The following ARPP21 variants were observed in gnomAD, a reference collection of about 807,000 sequenced individuals.
The protein encoded by ARPP21 is cAMP-regulated phosphoprotein 21.
A neutral mutation model predicts 113.2 loss-of-function variants in ARPP21; 69 were observed. That is an observed-to-expected ratio of 0.61 (90% confidence interval 0.50 to 0.74). The LOEUF is 0.74. ARPP21 is among the 30% of genes least tolerant of loss of function. The pLI, the probability that ARPP21 is intolerant of heterozygous loss-of-function variation, is 0.00. For missense variants in ARPP21, 1,070 were observed against 1,037.4 expected (o/e 1.03, Z -0.43); for synonymous variants, 368 against 375.5 (o/e 0.98, Z 0.23).
At chr3:35,663,802 C>T (rs1559538494) in intron 1 of ARPP21, among the ~76,000 whole-genome samples, 1 of 152,234 alleles carries the variant, frequency 6.6e-6, no homozygotes, top group South Asian at 2.1e-4. Flanking sequence ...CCTGCTGGGC[C>T]GTGGGAATTG....
At chr3:35,644,859 C>T (rs905547640) in intron 1 of ARPP21, among the ~76,000 whole-genome samples, 1 of 151,826 alleles carries the variant, frequency 6.6e-6, no homozygotes, top group East Asian at 1.9e-4. Flanking sequence ...TATCTTTACA[C>T]GATTTGCCCA....
At chr3:35,686,059 A>G (rs557184354) in intron 5 of ARPP21, among the ~76,000 whole-genome samples, 8 of 151,740 alleles carry the variant, frequency 5.3e-5, no homozygotes, top group South Asian at 2.1e-4. Flanking sequence ...CCAAGCCTCT[A>G]TGATTTTAGA....
intron 19 of ARPP21, among the ~76,000 whole-genome samples, chr3:35,748,099 AAAGAAAGAAAG>A (rs2095222474): frequency 7.3e-6 from 1 of 137,276 alleles, no homozygotes; most frequent in Non-Finnish European, 1.6e-5. Flanking sequence ...AGAAAGAAAG[AAAGAAAGAAAG>A]AAGAAAGAAA....
At chr3:35,786,582 G>A (rs1241285515) in intron 19 of ARPP21, among the ~76,000 whole-genome samples, 1 of 151,632 alleles carries the variant, frequency 6.6e-6, no homozygotes, top group African/African-American at 2.4e-5. Flanking sequence ...TTGGGAGGTT[G>A]GCATATAGGC....
At chr3:35,780,883 T>G (rs1401511087) in intron 19 of ARPP21, among the ~76,000 whole-genome samples, 1 of 151,892 alleles carries the variant, frequency 6.6e-6, no homozygotes, top group Non-Finnish European at 1.5e-5. Context: ...AAGCAGGCAA[T>G]CAGAGACAGA....
Position 35,681,865 on chromosome 3 carries a change from G to C in ARPP21, c.114G>C (p.Glu38Asp). The change falls in exon 3 of 21, where the codon GAG becomes GAC. Residue 38 changes from glutamate (E) to aspartate (D), a missense_variant. Coordinates refer to ENST00000684406, the MANE Select transcript of ARPP21 (RefSeq NM_001385562.1). ...AATCAGAAAGTCTGGATGAAGAGGA[G>C]AAACTGGAACTGCAGGTGAGTGAGC... ...IVKSESLDEE[E>D]KLELQRRLEA... The C allele has an allele frequency of 1.2e-6, 2 of 1,612,020 alleles. No homozygotes were observed. Among genetic ancestry groups the C allele is most frequent in the Non-Finnish European group, 1.7e-6 (2 of 1,178,684 alleles).
chr3:35,726,711 C>A (rs1217091704), intron 14 of ARPP21, among the ~76,000 whole-genome samples: 5 of 152,164 alleles, frequency 3.3e-5, no homozygotes, highest in Non-Finnish European at 5.9e-5. Context: ...TCTGCATCAA[C>A]CCATCCCTCC....
chr3:35,663,319 C>A (rs1708665782), intron 1 of ARPP21, among the ~76,000 whole-genome samples: 1 of 152,158 alleles, frequency 6.6e-6, no homozygotes, highest in Admixed American at 6.5e-5. Flanking sequence ...TAACATTCTC[C>A]TTGGAAATAA....
intron 14 of ARPP21, among the ~76,000 whole-genome samples, chr3:35,728,228 T>C (rs2093681293): frequency 7.0e-6 from 1 of 142,504 alleles, no homozygotes; most frequent in Non-Finnish European, 1.5e-5. Flanking sequence ...TTTTTTTTTT[T>C]TTTTTTTTTT....
intron 5 of ARPP21, chr3:35,685,933 C>A: frequency 2.6e-6 from 1 of 379,138 alleles, no homozygotes; most frequent in Non-Finnish European, 3.6e-6. Flanking sequence ...AATATATATG[C>A]ATAGAAAAGA....
intron 10 of ARPP21, among the ~76,000 whole-genome samples, 178 bp downstream of exon 10, chr3:35,707,260 A>G (rs903188195): frequency 6.6e-6 from 1 of 151,912 alleles, no homozygotes; most frequent in African/African-American, 2.4e-5. Flanking sequence ...TTCAATGGGT[A>G]GCAAAAAAAA....
At chr3:35,678,079 T>C (rs1180149628) in intron 1 of ARPP21, among the ~76,000 whole-genome samples, 1 of 151,958 alleles carries the variant, frequency 6.6e-6, no homozygotes, top group Non-Finnish European at 1.5e-5. Context: ...TACACATATA[T>C]CCAGGCTGTC....
chr3:35,675,203 T>TTTTTTTTTTTTTTTTTTTTTTTTGA (rs1559570125), intron 1 of ARPP21, among the ~76,000 whole-genome samples: 4 of 151,674 alleles, frequency 2.6e-5, no homozygotes, highest in African/African-American at 9.7e-5. Flanking sequence ...CCACCTTTCA[T>TTTTTTTTTTTTTTTTTTTTTTTTGA]GTGGGTAAAT....
chr3:35,685,290 T>G (rs981385984), intron 5 of ARPP21: 2 of 985,204 alleles, frequency 2.0e-6, no homozygotes, highest in African/African-American at 3.5e-5. Context: ...AATGGTGCTT[T>G]GTTCCTGCTG....
At chr3:35,716,904 A>C (rs911902673) in intron 12 of ARPP21, among the ~76,000 whole-genome samples, 1 of 152,086 alleles carries the variant, frequency 6.6e-6, no homozygotes, top group African/African-American at 2.4e-5. Flanking sequence ...ACCACCAAAA[A>C]TAAATACATT....
At chr3:35,687,990 A>ATGAT (rs1183478717) in intron 6 of ARPP21, 107 bp downstream of exon 6, 1 of 1,034,170 alleles carries the variant, frequency 9.7e-7, no homozygotes, top group Non-Finnish European at 1.4e-6. Context: ...AACCCTGCAT[A>ATGAT]TGATTCTATA....
intron 9 of ARPP21, among the ~76,000 whole-genome samples, chr3:35,693,402 T>C (rs1305394386): frequency 1.3e-5 from 2 of 151,752 alleles, no homozygotes; most frequent in South Asian, 2.1e-4. Context: ...TGTTGAGGTA[T>C]GGTGGTGGTT....
intron 1 of ARPP21, among the ~76,000 whole-genome samples, chr3:35,674,217 A>G (rs2076972992): frequency 6.6e-6 from 1 of 151,976 alleles, no homozygotes; most frequent in African/African-American, 2.4e-5. Context: ...CTGAAATAGT[A>G]CTTCTTGATA....
At chr3:35,677,654 T>C (rs984193289) in intron 1 of ARPP21, among the ~76,000 whole-genome samples, 1 of 152,012 alleles carries the variant, frequency 6.6e-6, no homozygotes, top group African/African-American at 2.4e-5. Flanking sequence ...CATTTATATA[T>C]AGTCTCTTCT....
Sources: gnomAD v4.1 joint callset for allele counts (sites outside exome capture counted in the v4.1 genomes callset) on GRCh38, gnomAD v4.1.1 for gene constraint, MANE v1.5 for transcripts, NCBI Gene and HGNC (gene_info 2026-07-23, HGNC 2026-07-21) for gene names.